Variants in ZFHX3 observed in about 807,000 individuals in gnomAD.
ZFHX3 encodes the protein zinc finger homeobox 3.
Under a neutral mutation model 279.1 loss-of-function variants are expected in ZFHX3, and 42 were observed. The observed-to-expected ratio is 0.15, with a 90% confidence interval of 0.12 to 0.19. The LOEUF is 0.19. Ranked by LOEUF, ZFHX3 falls within the 10% of genes least tolerant of loss-of-function variation. The probability of loss-of-function intolerance (pLI) is 1.00; values close to 1 mark genes in which losing one functional copy is unlikely to be tolerated. For synonymous variants in ZFHX3, 2,293 were observed against 1,957.8 expected (o/e 1.17, Z -4.52); for missense variants, 4,981 against 4,754.0 (o/e 1.05, Z -1.40).
intron 7 of ZFHX3, among the ~76,000 whole-genome samples, chr16:73,121,193 T>C (rs534182527): frequency 6.6e-6 from 1 of 152,354 alleles, no homozygotes; most frequent in South Asian, 2.1e-4. Context: ...GGACTACATT[T>C]TACTTTAACA....
intron 6 of ZFHX3, among the ~76,000 whole-genome samples, chr16:73,133,510 A>G (rs1286627831): frequency 6.6e-6 from 1 of 152,216 alleles, no homozygotes; most frequent in African/African-American, 2.4e-5. Context: ...CCCTAATCCA[A>G]TAAGACTGGT....
intron 3 of ZFHX3, among the ~76,000 whole-genome samples, chr16:73,318,877 A>G (rs948516032): frequency 6.6e-6 from 1 of 152,206 alleles, no homozygotes; most frequent in African/African-American, 2.4e-5. Flanking sequence ...GCATAAATCA[A>G]TTATGAAAGT....
At chr16:73,600,110 C>T (rs530731786) in intron 2 of ZFHX3, among the ~76,000 whole-genome samples, 1 of 152,148 alleles carries the variant, frequency 6.6e-6, no homozygotes, top group Non-Finnish European at 1.5e-5. Context: ...TTCTTTGTAT[C>T]AGAATGTAGG....
chr16:73,596,541 G>A (rs967476799), intron 2 of ZFHX3, among the ~76,000 whole-genome samples: 7 of 151,896 alleles, frequency 4.6e-5, no homozygotes, highest in African/African-American at 1.2e-4. Context: ...TTCCCTGATG[G>A]CCCTAGCTTA....
At chr16:73,324,429 C>T (rs557578125) in intron 3 of ZFHX3, among the ~76,000 whole-genome samples, 1 of 152,292 alleles carries the variant, frequency 6.6e-6, no homozygotes, top group Admixed American at 6.5e-5. Context: ...GGCTGTACTG[C>T]CCAGCTCCCT....
chr16:73,712,836 C>G (rs1263470055), intron 1 of ZFHX3, among the ~76,000 whole-genome samples: 1 of 152,174 alleles, frequency 6.6e-6, no homozygotes, highest in African/African-American at 2.4e-5. Context: ...AAGGACACCC[C>G]AGTTTGTGGC....
intron 3 of ZFHX3, among the ~76,000 whole-genome samples, chr16:73,377,027 A>T (rs1054140683): frequency 5.4e-5 from 8 of 146,928 alleles, no homozygotes; most frequent in African/African-American, 2.1e-4. Context: ...TCTGGACTGC[A>T]ATGGCACCAT....
intron 5 of ZFHX3, among the ~76,000 whole-genome samples, chr16:73,164,660 A>C (rs759449527): frequency 2.0e-5 from 3 of 149,980 alleles, no homozygotes; most frequent in African/African-American, 7.4e-5. Flanking sequence ...AGATTGCACC[A>C]CTGCACTCCA....
chr16:73,569,302 T>A (rs2051710025), intron 2 of ZFHX3, among the ~76,000 whole-genome samples: 2 of 151,952 alleles, frequency 1.3e-5, no homozygotes, highest in Non-Finnish European at 2.9e-5. Context: ...ACAGCCCTGA[T>A]ACGAAAACAG....
chr16:73,171,714 T>G (rs1411444497), intron 5 of ZFHX3, among the ~76,000 whole-genome samples: 2 of 152,102 alleles, frequency 1.3e-5, no homozygotes, highest in African/African-American at 4.8e-5. Context: ...TGCATATATA[T>G]TCTCTGCCTA....
chr16:73,216,192 G>A (rs919268209), intron 5 of ZFHX3, among the ~76,000 whole-genome samples: 1 of 152,186 alleles, frequency 6.6e-6, no homozygotes, highest in African/African-American at 2.4e-5. Flanking sequence ...CATTATTGTG[G>A]CAGTCGCTGA....
chr16:73,063,935 A>C (rs1462682596), upstream of ZFHX3, among the ~76,000 whole-genome samples: 5 of 152,132 alleles, frequency 3.3e-5, no homozygotes, highest in Non-Finnish European at 5.9e-5. Context: ...GTTATGGTTC[A>C]GTGTCCGGCC....
At chr16:73,238,675 G>T (rs1489387290) in intron 5 of ZFHX3, among the ~76,000 whole-genome samples, 1 of 152,160 alleles carries the variant, frequency 6.6e-6, no homozygotes, top group East Asian at 1.9e-4. Context: ...ATCCTTCTGA[G>T]GATCCCACCT....
At chr16:73,707,532 C>G (rs1246657298) in intron 1 of ZFHX3, among the ~76,000 whole-genome samples, 1 of 133,630 alleles carries the variant, frequency 7.5e-6, no homozygotes, top group Admixed American at 9.3e-5. Context: ...TAGGTGGGAA[C>G]TGAACAATGA....
chr16:73,864,274 A>G (rs1961955106), intron 1 of ZFHX3, among the ~76,000 whole-genome samples: 1 of 152,216 alleles, frequency 6.6e-6, no homozygotes, highest in Admixed American at 6.5e-5. Context: ...AACGTAGTCA[A>G]CGTTAATATA....
intron 1 of ZFHX3, among the ~76,000 whole-genome samples, chr16:73,767,827 T>A (rs562608215): frequency 6.6e-6 from 1 of 152,262 alleles, no homozygotes; most frequent in Admixed American, 6.5e-5. Context: ...GTAGTACCCA[T>A]TTGTACCAGT....
intron 3 of ZFHX3, among the ~76,000 whole-genome samples, chr16:72,939,705 C>T (rs1032752063): frequency 1.3e-5 from 2 of 152,122 alleles, no homozygotes; most frequent in Admixed American, 6.5e-5. Flanking sequence ...CTGGCCAACA[C>T]GGTGAAACCC....
rs577169639 is a variant in ZFHX3, at chr16:73,372,599, C to G, written c.-1290-54263G>C. 1.6e-4 allele frequency among the ~76,000 whole-genome samples: 25 copies of G among 152,288 alleles called. 1 individual carries two copies. The highest frequency in any genetic ancestry group is 5.5e-4 in the African/African-American group (23 of 41,576). ...TGAAGTTGTTGTTTAATTAGAATGA[C>G]AACTTGCTCCTCTAGGTAAAAGGAA... On this transcript the variant is annotated intron_variant, in intron 3 of 17. Transcript: ENST00000641206.
At chr16:73,180,315 C>T (rs1423518030) in intron 5 of ZFHX3, among the ~76,000 whole-genome samples, 1 of 152,076 alleles carries the variant, frequency 6.6e-6, no homozygotes, top group Non-Finnish European at 1.5e-5. Flanking sequence ...CACAAGGAAT[C>T]CTCTTATTTC....
Sources: gnomAD v4.1 joint callset for allele counts (sites outside exome capture counted in the v4.1 genomes callset) on GRCh38, gnomAD v4.1.1 for gene constraint, MANE v1.5 for transcripts, NCBI Gene and HGNC (gene_info 2026-07-23, HGNC 2026-07-21) for gene names.